CCDC7: variants seen among roughly 807,000 people sequenced by gnomAD.
The protein encoded by CCDC7 is coiled-coil domain-containing protein 7.
A neutral mutation model predicts 196.9 loss-of-function variants in CCDC7; 183 were observed. The observed-to-expected ratio is 0.93, with a 90% CI of 0.82 to 1.05. The LOEUF is 1.05. Among genes scored for constraint, CCDC7 ranks in the 50% least tolerant of loss-of-function variants. CCDC7 has a pLI of 0.00. For missense variants in CCDC7, 1,540 were observed against 1,482.2 expected, an observed-to-expected ratio of 1.04 and a Z score of -0.64; for synonymous variants, 525 against 484.6, an observed-to-expected ratio of 1.08 and a Z score of -1.10.
chr10:32,456,325 A>G (rs746235004), exon 3 of CCDC7: 1 of 1,571,556 alleles, frequency 6.4e-7, no homozygotes, highest in Non-Finnish European at 8.7e-7. Flanking sequence ...CACTTAAAGA[A>G]GAACAAAATG....
intron 32 of CCDC7, among the ~76,000 whole-genome samples, chr10:32,826,221 C>G (rs2091087953): frequency 6.6e-6 from 1 of 152,164 alleles, no homozygotes; most frequent in Non-Finnish European, 1.5e-5. Flanking sequence ...AAGTGTAACC[C>G]ACATGGAAGT....
upstream of CCDC7, among the ~76,000 whole-genome samples, chr10:32,444,506 C>T (rs567826312): frequency 2.0e-4 from 31 of 152,212 alleles, no homozygotes; most frequent in African/African-American, 3.6e-4. Flanking sequence ...ACAACTTGAC[C>T]GTTAAGATTT....
intron 2 of CCDC7, among the ~76,000 whole-genome samples, chr10:32,454,474 C>A (rs1309766993): frequency 6.6e-6 from 1 of 151,888 alleles, no homozygotes; most frequent in Non-Finnish European, 1.5e-5. Flanking sequence ...GTACTGTGCT[C>A]AGTACTTGGG....
intron 20 of CCDC7, 70 bp downstream of exon 21, chr10:32,635,228 G>T (rs1357318920): frequency 5.1e-6 from 2 of 392,674 alleles, no homozygotes; most frequent in East Asian, 3.6e-5. Flanking sequence ...TATGGTTCAT[G>T]AATATATCTA....
intron 24 of CCDC7, among the ~76,000 whole-genome samples, chr10:32,696,525 G>C (rs1342247616): frequency 2.0e-5 from 3 of 151,828 alleles, no homozygotes; most frequent in Admixed American, 6.6e-5. Flanking sequence ...AATTGGCAGG[G>C]CTCTCTAATT....
chr10:32,563,825 C>T (rs1260278589), intron 13 of CCDC7, among the ~76,000 whole-genome samples: 1 of 151,820 alleles, frequency 6.6e-6, no homozygotes, highest in Non-Finnish European at 1.5e-5. Flanking sequence ...TAAAGAGCTT[C>T]TGCACAGCAA....
chr10:32,639,515 G>A (rs547511066), intron 20 of CCDC7, among the ~76,000 whole-genome samples: 3 of 152,062 alleles, frequency 2.0e-5, no homozygotes, highest in African/African-American at 2.4e-5. Flanking sequence ...AGTCATTCAG[G>A]AGCAGGTTGT....
At chr10:32,698,709 A>C (rs974344946) in intron 24 of CCDC7, among the ~76,000 whole-genome samples, 1 of 152,222 alleles carries the variant, frequency 6.6e-6, no homozygotes, top group Non-Finnish European at 1.5e-5. Flanking sequence ...CTATGTGAAA[A>C]GACCAAATCT....
chr10:32,727,240 G>A (rs908919057), intron 26 of CCDC7, among the ~76,000 whole-genome samples: 6 of 152,138 alleles, frequency 3.9e-5, no homozygotes, highest in African/African-American at 1.4e-4. Flanking sequence ...CAAATAGCAA[G>A]TGGGAATTAT....
chr10:32,549,529 G>T (rs1430477779), intron 13 of CCDC7, among the ~76,000 whole-genome samples: 1 of 152,150 alleles, frequency 6.6e-6, no homozygotes, highest in Non-Finnish European at 1.5e-5. Context: ...TTATCTTCTA[G>T]AATTTTTATA....
intron 11 of CCDC7, among the ~76,000 whole-genome samples, chr10:32,538,031 C>T (rs994806802): frequency 1.3e-5 from 2 of 152,010 alleles, no homozygotes; most frequent in African/African-American, 2.4e-5. Flanking sequence ...CTGTGAAGAA[C>T]GACATTGGTA....
chr10:32,871,722 T>C (rs2094437721), intron 41 of CCDC7, among the ~76,000 whole-genome samples: 1 of 152,196 alleles, frequency 6.6e-6, no homozygotes, highest in Non-Finnish European at 1.5e-5. Flanking sequence ...TTTCCTGCTT[T>C]CTCTTGTGGG....
chr10:32,569,701 T>C (rs2057323436), intron 15 of CCDC7, among the ~76,000 whole-genome samples: 1 of 152,204 alleles, frequency 6.6e-6, no homozygotes, highest in East Asian at 1.9e-4. Context: ...ATGCTGGGAT[T>C]ACAGGCATGA....
chr10:32,819,767 C>A (rs1385431159), intron 31 of CCDC7, among the ~76,000 whole-genome samples: 1 of 152,024 alleles, frequency 6.6e-6, no homozygotes, highest in Non-Finnish European at 1.5e-5. Context: ...AATTCAACAA[C>A]CTTCATGCTA....
At chr10:32,685,973 A>T (rs758092068) in exon 22 of CCDC7, 2 of 1,534,770 alleles carry the variant, frequency 1.3e-6, no homozygotes, top group East Asian at 4.6e-5. Context: ...TATGTAGCTC[A>T]TAATGAAGTA....
chr10:32,804,923 A>G, intron 29 of CCDC7, 92 bp from the exon 31 acceptor site: 1 of 704,824 alleles, frequency 1.4e-6, no homozygotes, highest in South Asian at 1.9e-5. Context: ...AAGGCTGATT[A>G]ATTTAATACA....
chr10:32,728,026 G>A (rs780393399), intron 26 of CCDC7, among the ~76,000 whole-genome samples: 2 of 152,088 alleles, frequency 1.3e-5, no homozygotes, highest in African/African-American at 4.8e-5. Context: ...ATGCCCAAGC[G>A]ATCAGAGCCC....
intron 29 of CCDC7, among the ~76,000 whole-genome samples, chr10:32,802,096 T>C (rs188625035): frequency 1.3e-5 from 2 of 152,298 alleles, no homozygotes; most frequent in East Asian, 3.9e-4. Flanking sequence ...ATTTCAGCTT[T>C]TTTTCTACAG....
chr10:32,474,215 T>A (rs2038538167), intron 8 of CCDC7, among the ~76,000 whole-genome samples, 192 bp downstream of exon 9: 1 of 115,868 alleles, frequency 8.6e-6, no homozygotes, highest in African/African-American at 3.2e-5. Flanking sequence ...AGATTCTTTT[T>A]TTTTTTTTTT....
Sources: gnomAD v4.1 joint callset for allele counts (sites outside exome capture counted in the v4.1 genomes callset) on GRCh38, gnomAD v4.1.1 for gene constraint, MANE v1.5 for transcripts, NCBI Gene and HGNC (gene_info 2026-07-23, HGNC 2026-07-21) for gene names.